The following SUPT3H variants were observed in gnomAD, a reference collection of about 807,000 sequenced individuals.
The protein encoded by SUPT3H is transcription initiation protein SPT3 homolog.
In SUPT3H, 44 loss-of-function variants were observed where a neutral mutation model predicts 44.3. That is an observed-to-expected ratio of 0.99 (90% CI 0.78 to 1.28). The LOEUF (loss-of-function observed/expected upper bound fraction) is 1.28, where lower values mean the gene tolerates loss of function less well. Among genes scored for constraint, SUPT3H ranks in the 50% most tolerant of loss-of-function variants. The pLI is 0.00. For missense variants in SUPT3H, 380 were observed against 387.1 expected, an observed-to-expected ratio of 0.98 and a Z score of 0.15; for synonymous variants, 124 against 125.6, an observed-to-expected ratio of 0.99 and a Z score of 0.09.
chr6:45,288,960 G>T (rs564640718), intron 2 of SUPT3H, among the ~76,000 whole-genome samples: 6 of 151,936 alleles, frequency 3.9e-5, no homozygotes, highest in African/African-American at 1.4e-4. Flanking sequence ...TTTGATACAG[G>T]TGACAAACAT....
At chr6:44,891,205 G>C (rs1368629115) in intron 10 of SUPT3H, among the ~76,000 whole-genome samples, 1 of 152,104 alleles carries the variant, frequency 6.6e-6, no homozygotes, top group Non-Finnish European at 1.5e-5. Flanking sequence ...GTGGAAAACA[G>C]TTCGGTGGTT....
intron 5 of SUPT3H, among the ~76,000 whole-genome samples, chr6:45,005,115 A>G (rs1782522365): frequency 6.6e-6 from 1 of 152,194 alleles, no homozygotes; most frequent in African/African-American, 2.4e-5. Context: ...ATTGTTTACC[A>G]GTGCATTAAC....
intron 6 of SUPT3H, among the ~76,000 whole-genome samples, chr6:44,964,098 ATC>A (rs1169416400): frequency 6.6e-6 from 1 of 152,092 alleles, no homozygotes; most frequent in African/African-American, 2.4e-5. Flanking sequence ...GTGTATATAT[ATC>A]TGTTTGTCTG....
intron 2 of SUPT3H, among the ~76,000 whole-genome samples, chr6:45,113,377 T>C (rs1270114778): frequency 6.6e-6 from 1 of 152,180 alleles, no homozygotes; most frequent in Non-Finnish European, 1.5e-5. Context: ...CCGTGATCAG[T>C]CATTTAATGC....
chr6:45,256,923 A>G (rs1773507021), intron 2 of SUPT3H, among the ~76,000 whole-genome samples: 1 of 152,132 alleles, frequency 6.6e-6, no homozygotes, highest in South Asian at 2.1e-4. Context: ...CTGTGCTGAC[A>G]TATGTCTTCA....
intron 10 of SUPT3H, among the ~76,000 whole-genome samples, chr6:44,839,995 C>T (rs892959614): frequency 2.6e-5 from 4 of 152,204 alleles, no homozygotes; most frequent in Non-Finnish European, 5.9e-5. Context: ...CCACCGCACC[C>T]AGCCCAGCAC....
intron 2 of SUPT3H, among the ~76,000 whole-genome samples, chr6:45,121,760 C>G (rs1298124751): frequency 6.6e-6 from 1 of 152,046 alleles, no homozygotes; most frequent in Non-Finnish European, 1.5e-5. Context: ...ACTGCAATCT[C>G]CGCCTCCCAG....
At chr6:45,173,218 G>T (rs1811121956) in intron 2 of SUPT3H, among the ~76,000 whole-genome samples, 1 of 152,052 alleles carries the variant, frequency 6.6e-6, no homozygotes, top group African/African-American at 2.4e-5. Context: ...TAAATTTATG[G>T]TTACTACTTG....
At chr6:45,177,879 T>C (rs1812284063) in intron 2 of SUPT3H, among the ~76,000 whole-genome samples, 1 of 152,042 alleles carries the variant, frequency 6.6e-6, no homozygotes, top group Non-Finnish European at 1.5e-5. Flanking sequence ...TGAGAGATTT[T>C]GTCACCACCA....
At chr6:45,072,297 G>GA (rs1476188775) in intron 3 of SUPT3H, among the ~76,000 whole-genome samples, 1 of 151,508 alleles carries the variant, frequency 6.6e-6, no homozygotes, top group Admixed American at 6.6e-5. Context: ...GGTGGGTTAA[G>GA]AAAAAAAAGA....
At chr6:45,117,333 G>A (rs1800994568) in intron 2 of SUPT3H, among the ~76,000 whole-genome samples, 1 of 152,004 alleles carries the variant, frequency 6.6e-6, no homozygotes, top group Non-Finnish European at 1.5e-5. Flanking sequence ...CAGAACATCA[G>A]CACAGATGAC....
rs545923733 is a variant in SUPT3H at position 45,028,658 on chromosome 6, T to C, written c.187-8026A>G. ...ATTATCCTATGCTTCATGTCTTCTA[T>C]ATATTATCTCATTTAACCTTCACAG... On this transcript the variant is annotated intron_variant, in intron 3 of 10. Transcript: ENST00000371459. Among the ~76,000 whole-genome samples the C allele has an allele frequency of 2.0e-5, 3 of 152,016 alleles. No homozygotes were observed. The South Asian group carries it at 6.2e-4, about 31-fold the overall frequency.
intron 3 of SUPT3H, among the ~76,000 whole-genome samples, chr6:45,083,917 A>AGCT (rs1383234939): frequency 6.6e-6 from 1 of 152,196 alleles, no homozygotes; most frequent in Non-Finnish European, 1.5e-5. Flanking sequence ...ACATTTAGCT[A>AGCT]GCTAGCCAGT....
chr6:45,216,971 G>A (rs2153633359), intron 2 of SUPT3H, among the ~76,000 whole-genome samples: 1 of 152,224 alleles, frequency 6.6e-6, no homozygotes. Context: ...TAGAATAGTA[G>A]TTATTAGAGA....
chr6:45,053,740 C>CAAAAAAAAAAAA (rs57736879), intron 3 of SUPT3H, among the ~76,000 whole-genome samples: 11 of 59,420 alleles, frequency 1.9e-4, no homozygotes, highest in East Asian at 5.5e-4. Flanking sequence ...ACTAAAAATA[C>CAAAAAAAAAAAA]AAAAAAAAAA....
intron 2 of SUPT3H, among the ~76,000 whole-genome samples, chr6:45,191,276 C>A (rs1815088852): frequency 6.6e-6 from 1 of 151,896 alleles, no homozygotes; most frequent in Non-Finnish European, 1.5e-5. Context: ...CATGGAAGAA[C>A]CTTAGATGTG....
intron 2 of SUPT3H, among the ~76,000 whole-genome samples, chr6:45,139,551 A>G (rs1466938032): frequency 1.1e-5 from 1 of 94,842 alleles, no homozygotes; most frequent in African/African-American, 5.7e-5. Context: ...TCCACGAGAC[A>G]GGAGAAAAAC....
At chr6:45,119,409 A>G (rs1014096366) in intron 2 of SUPT3H, among the ~76,000 whole-genome samples, 4 of 152,164 alleles carry the variant, frequency 2.6e-5, no homozygotes, top group African/African-American at 9.6e-5. Flanking sequence ...AGAAGGTATG[A>G]GGACGGATTC....
intron 6 of SUPT3H, among the ~76,000 whole-genome samples, chr6:44,998,706 T>C (rs777304060): frequency 1.3e-5 from 2 of 152,066 alleles, no homozygotes; most frequent in Non-Finnish European, 2.9e-5. Context: ...CACTTTGTTC[T>C]TATATTTGCA....
Sources: allele counts gnomAD v4.1 joint callset (sites outside exome capture counted in the v4.1 genomes callset), GRCh38; gene constraint gnomAD v4.1.1; transcripts MANE v1.5; gene names NCBI Gene and HGNC (gene_info 2026-07-23, HGNC 2026-07-21).